The following FBXL17 variants were observed in gnomAD, a reference collection of about 807,000 sequenced individuals.
FBXL17 encodes F-box/LRR-repeat protein 17.
In FBXL17, 22 loss-of-function variants were observed where a neutral mutation model predicts 66.2. The observed-to-expected ratio is 0.33, with a 90% CI of 0.24 to 0.47. The LOEUF is 0.47. Among genes scored for constraint, FBXL17 ranks in the 20% least tolerant of loss-of-function variants. The pLI, the probability that FBXL17 is intolerant of heterozygous loss-of-function variation, is 1.00. For synonymous variants in FBXL17, 474 were observed against 400.5 expected, an observed-to-expected ratio of 1.18 and a Z score of -2.19; for missense variants, 878 against 948.2, an observed-to-expected ratio of 0.93 and a Z score of 0.97.
At chr5:108,276,096 T>TCTA (rs1195890138) in intron 4 of FBXL17, among the ~76,000 whole-genome samples, 1 of 152,182 alleles carries the variant, frequency 6.6e-6, no homozygotes, top group Admixed American at 6.5e-5. Context: ...AAATAACATG[T>TCTA]CTAACTCCAA....
At chr5:108,222,986 A>C (rs925649252) in intron 5 of FBXL17, among the ~76,000 whole-genome samples, 2 of 151,960 alleles carry the variant, frequency 1.3e-5, no homozygotes, top group Admixed American at 1.3e-4. Context: ...CATCTGTTTT[A>C]ATATTAATAG....
chr5:107,934,802 T>C (rs1187753397), intron 7 of FBXL17, among the ~76,000 whole-genome samples: 1 of 152,186 alleles, frequency 6.6e-6, no homozygotes, highest in Admixed American at 6.5e-5. Context: ...CTGTAAAGTA[T>C]GGTAATGCAT....
intron 4 of FBXL17, among the ~76,000 whole-genome samples, chr5:108,263,231 A>G (rs1435470436): frequency 6.6e-6 from 1 of 152,174 alleles, no homozygotes; most frequent in Non-Finnish European, 1.5e-5. Context: ...AACAAAAGAG[A>G]CTACTATCAA....
intron 1 of FBXL17, among the ~76,000 whole-genome samples, chr5:108,370,322 T>C (rs1748945107): frequency 6.6e-6 from 1 of 152,190 alleles, no homozygotes; most frequent in African/African-American, 2.4e-5. Flanking sequence ...CTTACCTCTA[T>C]ATGGACAAAA....
At chr5:107,920,628 A>C (rs764520786) in intron 7 of FBXL17, among the ~76,000 whole-genome samples, 56 of 152,324 alleles carry the variant, frequency 3.7e-4, no homozygotes, top group Non-Finnish European at 6.3e-4. Flanking sequence ...CTGTAATATG[A>C]ATAAATCCAC....
At chr5:108,226,454 A>G (rs530779855) in intron 4 of FBXL17, among the ~76,000 whole-genome samples, 1 of 152,202 alleles carries the variant, frequency 6.6e-6, no homozygotes, top group Non-Finnish European at 1.5e-5. Flanking sequence ...TCATTGTACT[A>G]GTGGCTTTAT....
chr5:107,870,970 G>A (rs535863502), intron 8 of FBXL17, among the ~76,000 whole-genome samples: 3 of 146,568 alleles, frequency 2.0e-5, no homozygotes, highest in Non-Finnish European at 4.5e-5. Flanking sequence ...TCCATACAAC[G>A]CTTCATGCAT....
intron 7 of FBXL17, among the ~76,000 whole-genome samples, chr5:107,996,846 T>C (rs1176637372): frequency 1.3e-5 from 2 of 152,196 alleles, no homozygotes; most frequent in Non-Finnish European, 1.5e-5. Context: ...AGCTTATACC[T>C]TTAAGCAGAT....
intron 6 of FBXL17, among the ~76,000 whole-genome samples, chr5:108,180,845 T>C (rs560551070): frequency 3.9e-4 from 59 of 152,254 alleles, no homozygotes; most frequent in African/African-American, 1.4e-3. Flanking sequence ...GCATGCATGG[T>C]CAACTGTCAA....
chr5:107,966,940 G>A (rs186898208), intron 7 of FBXL17, among the ~76,000 whole-genome samples: 22 of 152,146 alleles, frequency 1.4e-4, no homozygotes, highest in Admixed American at 5.9e-4. Flanking sequence ...GAAGAATGCA[G>A]AAGTATCTTT....
intron 4 of FBXL17, among the ~76,000 whole-genome samples, chr5:108,277,820 G>GT (rs1757544320): frequency 6.6e-6 from 1 of 152,170 alleles, no homozygotes; most frequent in East Asian, 1.9e-4. Flanking sequence ...TAAAAGGTGT[G>GT]TTTATACTAC....
chr5:108,205,952 T>C (rs1032379651), intron 5 of FBXL17, among the ~76,000 whole-genome samples: 5 of 152,188 alleles, frequency 3.3e-5, no homozygotes, highest in African/African-American at 1.2e-4. Context: ...TGCTGTGTAC[T>C]CTCTACTGCA....
chr5:107,946,265 A>T lies in FBXL17; in HGVS notation c.1823-65086T>A, dbSNP rs1363649697. On this transcript the variant is annotated intron_variant, in intron 7 of 8. Transcript: ENST00000542267. Reference sequence around the variant, plus strand: ...TTTATCAATCTCATTTTATATATATATATATATATATATATATATATATAT... The same window carrying T: ...TTTATCAATCTCATTTTATATATATTTATATATATATATATATATATATAT... 3.6e-4 allele frequency among the ~76,000 whole-genome samples: 12 copies of T among 33,624 alleles called. 1 individual carries two copies. The highest frequency in any genetic ancestry group is 1.3e-3 in the South Asian group (1 of 788). The allele number at this position is 33,624 out of a possible 152,430, so 22.1% of individuals were successfully genotyped here. A position where few individuals can be genotyped will look rare whatever the true frequency, so the allele number is the denominator to read the frequency against.
chr5:107,981,952 G>C (rs1182442374), intron 7 of FBXL17, among the ~76,000 whole-genome samples: 3 of 152,088 alleles, frequency 2.0e-5, no homozygotes, highest in Admixed American at 2.0e-4. Context: ...TGTACAAAGA[G>C]GTCTAAACTA....
chr5:108,023,008 GTGGCCAAGAGACAACACA>G (rs1754658692), intron 6 of FBXL17, among the ~76,000 whole-genome samples: 1 of 152,112 alleles, frequency 6.6e-6, no homozygotes, highest in Admixed American at 6.6e-5. Flanking sequence ...AGGCAATACA[GTGGCCAAGAGACAACACA>G]TGATTAAGAG....
At chr5:108,367,618 A>G (rs1748748518) in intron 2 of FBXL17, among the ~76,000 whole-genome samples, 1 of 152,140 alleles carries the variant, frequency 6.6e-6, no homozygotes, top group Non-Finnish European at 1.5e-5. Flanking sequence ...GCAACCCTAA[A>G]TTACCAATCT....
intron 7 of FBXL17, among the ~76,000 whole-genome samples, chr5:107,965,340 T>C (rs1752082974): frequency 6.6e-6 from 1 of 152,130 alleles, no homozygotes; most frequent in Non-Finnish European, 1.5e-5. Flanking sequence ...AAACAAAAGA[T>C]GAAAATGGTC....
At chr5:108,315,913 A>C (rs1759340796) in intron 4 of FBXL17, among the ~76,000 whole-genome samples, 1 of 151,562 alleles carries the variant, frequency 6.6e-6, no homozygotes, top group South Asian at 2.1e-4. Context: ...TAAACCCTCT[A>C]TGTAAACAGC....
chr5:108,156,514 C>T (rs1032598918), intron 6 of FBXL17, among the ~76,000 whole-genome samples: 5 of 151,602 alleles, frequency 3.3e-5, no homozygotes, highest in East Asian at 3.9e-4. Flanking sequence ...ATTTTTACAA[C>T]GTTGAGAGTT....
Sources: allele counts gnomAD v4.1 joint callset (sites outside exome capture counted in the v4.1 genomes callset), GRCh38; gene constraint gnomAD v4.1.1; transcripts MANE v1.5; gene names NCBI Gene and HGNC (gene_info 2026-07-23, HGNC 2026-07-21).